Variants in LRRC4C observed in about 807,000 individuals in gnomAD.
LRRC4C encodes leucine-rich repeat-containing protein 4C.
LRRC4C carries 5 observed loss-of-function variants against 33.6 expected under a neutral mutation model. That is an observed-to-expected ratio of 0.15 (90% CI 0.08 to 0.31). LRRC4C has a LOEUF of 0.31. LRRC4C is among the 10% of genes least tolerant of loss of function. The pLI is 1.00. For missense variants in LRRC4C, 560 were observed against 796.7 expected, an observed-to-expected ratio of 0.70 and a Z score of 3.58; for synonymous variants, 329 against 302.0, an observed-to-expected ratio of 1.09 and a Z score of -0.93.
At chr11:40,890,307 T>C (rs951999931) in intron 2 of LRRC4C, among the ~76,000 whole-genome samples, 1 of 152,150 alleles carries the variant, frequency 6.6e-6, no homozygotes, top group East Asian at 1.9e-4. Context: ...CAGGGCTTTC[T>C]TGCTAGTGGA....
At chr11:40,523,519 T>C (rs1206602960) in intron 3 of LRRC4C, among the ~76,000 whole-genome samples, 3 of 149,920 alleles carry the variant, frequency 2.0e-5, no homozygotes, top group Non-Finnish European at 4.4e-5. Context: ...CGTTATGCCA[T>C]AGGTTATATA....
At chr11:40,682,771 A>AATAAATAT (rs1210425474) in intron 2 of LRRC4C, among the ~76,000 whole-genome samples, 3 of 151,410 alleles carry the variant, frequency 2.0e-5, no homozygotes, top group Non-Finnish European at 2.9e-5. Context: ...TAAATAAATA[A>AATAAATAT]ATAAATAAAA....
intron 1 of LRRC4C, among the ~76,000 whole-genome samples, chr11:40,986,866 G>A (rs554995766): frequency 2.2e-4 from 33 of 152,240 alleles, no homozygotes; most frequent in Admixed American, 5.2e-4. Flanking sequence ...TGATCATATA[G>A]TACAAAAACA....
chr11:40,396,979 C>A (rs910800498), intron 3 of LRRC4C, among the ~76,000 whole-genome samples: 1 of 152,016 alleles, frequency 6.6e-6, no homozygotes, highest in Non-Finnish European at 1.5e-5. Context: ...TAACCATGCA[C>A]AGAACCAACC....
At chr11:40,241,642 T>C (rs1042183901) in intron 4 of LRRC4C, 44 bp from the exon 5 acceptor site, 2 of 152,106 alleles carry the variant, frequency 1.3e-5, no homozygotes, top group Admixed American at 6.6e-5. Context: ...AAGAGTCCCA[T>C]ACAGCCTGAA....
chr11:40,261,366 G>A (rs11603575), intron 4 of LRRC4C, among the ~76,000 whole-genome samples: 106,243 of 151,998 alleles, frequency 0.7, 39,150 homozygotes, highest in East Asian at 0.92. Flanking sequence ...AATACCCCTA[G>A]ATATTTAGGT....
rs181980048 is a variant in LRRC4C at position 40,314,177 on chromosome 11, A to C, written c.-176+5451T>G. ...GACAGCAAAAAATAAAAAATAAATA[A>C]AAAACAGAAGACAAAAACAAAAACA... On this transcript the variant is annotated intron_variant, in intron 4 of 6. Transcript: ENST00000528697. Among the ~76,000 whole-genome samples the C allele has an allele frequency of 5.9e-5, 9 of 152,220 alleles. No homozygotes were observed. The East Asian group carries it at 1.7e-3, about 29-fold the overall frequency.
rs558779845 is a variant in LRRC4C at position 40,272,489 on chromosome 11, A to G, written c.-175-30891T>C. Among the ~76,000 whole-genome samples the G allele has an allele frequency of 7.9e-5, 12 of 152,218 alleles. No homozygotes were observed. In the South Asian group the frequency reaches 2.5e-3, roughly 32 times the overall value. On this transcript the variant is annotated intron_variant, in intron 4 of 6. Coordinates refer to ENST00000528697, the MANE Select transcript of LRRC4C (RefSeq NM_001258419.2). Reference sequence around the variant, plus strand: ...TCTAAGAATCATCTATTCTTTAACCAAGATCCATTGGAGAGATTCTTGAAA... The same window carrying G: ...TCTAAGAATCATCTATTCTTTAACCGAGATCCATTGGAGAGATTCTTGAAA...
At chr11:40,149,296 T>C (rs887022813) in intron 5 of LRRC4C, among the ~76,000 whole-genome samples, 8 of 152,234 alleles carry the variant, frequency 5.3e-5, no homozygotes, top group African/African-American at 1.9e-4. Context: ...ATTTTAACAA[T>C]AATGATTCTT....
intron 1 of LRRC4C, among the ~76,000 whole-genome samples, chr11:41,054,234 G>A (rs1330940662): frequency 6.6e-6 from 1 of 152,172 alleles, no homozygotes; most frequent in Admixed American, 6.5e-5. Flanking sequence ...GGAGAAGAAA[G>A]CTATATCTTA....
At chr11:40,534,154 G>A (rs570487159) in intron 3 of LRRC4C, among the ~76,000 whole-genome samples, 1 of 152,158 alleles carries the variant, frequency 6.6e-6, no homozygotes, top group East Asian at 1.9e-4. Flanking sequence ...AGTGTTTACT[G>A]CTCAGAATGG....
chr11:40,870,480 G>T (rs563570563), intron 2 of LRRC4C, among the ~76,000 whole-genome samples: 1 of 152,290 alleles, frequency 6.6e-6, no homozygotes, highest in Non-Finnish European at 1.5e-5. Context: ...ACCCCAAACG[G>T]AGGGACTGGC....
chr11:41,406,830 T>A (rs1954259655), intron 1 of LRRC4C, among the ~76,000 whole-genome samples: 1 of 151,950 alleles, frequency 6.6e-6, no homozygotes, highest in Admixed American at 6.6e-5. Flanking sequence ...ACAACGTCCT[T>A]GATTATTTTC....
intron 3 of LRRC4C, among the ~76,000 whole-genome samples, chr11:40,452,777 A>C (rs187895271): frequency 2.0e-5 from 3 of 152,214 alleles, no homozygotes; most frequent in Non-Finnish European, 4.4e-5. Flanking sequence ...ACTTGGAACC[A>C]AGCCAAATGT....
At chr11:41,090,819 C>T (rs1267847168) in intron 1 of LRRC4C, among the ~76,000 whole-genome samples, 1 of 152,038 alleles carries the variant, frequency 6.6e-6, no homozygotes, top group Non-Finnish European at 1.5e-5. Context: ...TTCCAGTCAC[C>T]ACGTGAAGAA....
intron 1 of LRRC4C, among the ~76,000 whole-genome samples, chr11:41,356,615 C>T (rs1952170987): frequency 6.6e-6 from 1 of 152,110 alleles, no homozygotes; most frequent in Admixed American, 6.6e-5. Flanking sequence ...ATCCTCCATC[C>T]TTCAACTTGA....
intron 2 of LRRC4C, among the ~76,000 whole-genome samples, chr11:40,714,917 A>G (rs112906111): frequency 0.012 from 1,880 of 152,316 alleles, 25 homozygotes; most frequent in Middle Eastern, 0.037. Context: ...ACTATACACA[A>G]AATTAATTCC....
At chr11:40,540,313 A>G (rs1200127593) in intron 3 of LRRC4C, among the ~76,000 whole-genome samples, 1 of 152,180 alleles carries the variant, frequency 6.6e-6, no homozygotes, top group African/African-American at 2.4e-5. Context: ...ACCCTTTCAG[A>G]AAATTGATCC....
chr11:41,319,513 T>A (rs1950892869), intron 1 of LRRC4C, among the ~76,000 whole-genome samples: 1 of 152,178 alleles, frequency 6.6e-6, no homozygotes, highest in South Asian at 2.1e-4. Flanking sequence ...CATATCATAA[T>A]TGCCAACTAA....
Sources: allele counts gnomAD v4.1 joint callset (sites outside exome capture counted in the v4.1 genomes callset), GRCh38; gene constraint gnomAD v4.1.1; transcripts MANE v1.5; gene names NCBI Gene and HGNC (gene_info 2026-07-23, HGNC 2026-07-21).